Variants in SLC17A6 observed in about 807,000 individuals in gnomAD.
SLC17A6 encodes vesicular glutamate transporter 2.
A neutral mutation model predicts 67.1 loss-of-function variants in SLC17A6; 35 were observed. The observed-to-expected ratio is 0.52, with a 90% CI of 0.40 to 0.69. The LOEUF (loss-of-function observed/expected upper bound fraction) is 0.69, where lower values mean the gene tolerates loss of function less well. SLC17A6 is among the 30% of genes least tolerant of loss of function. The pLI is 0.00. For synonymous variants in SLC17A6, 285 were observed against 252.3 expected, an observed-to-expected ratio of 1.13 and a Z score of -1.23; for missense variants, 588 against 723.9, an observed-to-expected ratio of 0.81 and a Z score of 2.15.
intron 3 of SLC17A6, among the ~76,000 whole-genome samples, chr11:22,348,007 G>A (rs1245964236): frequency 1.3e-5 from 2 of 152,118 alleles, no homozygotes; most frequent in Non-Finnish European, 2.9e-5. Flanking sequence ...GTAGCATATA[G>A]TGAACCCCAC....
intron 5 of SLC17A6, 135 bp downstream of exon 5, chr11:22,361,119 G>T: frequency 1.7e-6 from 1 of 587,732 alleles, no homozygotes; most frequent in Non-Finnish European, 3.0e-6. Context: ...TAAGGTTTTT[G>T]ACCACCATTT....
intron 3 of SLC17A6, among the ~76,000 whole-genome samples, chr11:22,348,149 A>C (rs535577925): frequency 6.6e-6 from 1 of 152,330 alleles, no homozygotes; most frequent in South Asian, 2.1e-4. Flanking sequence ...ACTAGAACTC[A>C]CTTGTCTGAT....
chr11:22,355,593 T>C (rs1855985855), intron 3 of SLC17A6, among the ~76,000 whole-genome samples: 1 of 152,136 alleles, frequency 6.6e-6, no homozygotes, highest in African/African-American at 2.4e-5. Flanking sequence ...CTCCAAGATG[T>C]CACAGACTGA....
rs969065512 is a variant in SLC17A6 at position 22,341,675 on chromosome 11, C to G, written c.234C>G (p.Gly78=). The change falls in exon 2 of 12, where the codon GGC becomes GGG. Residue 78 remains glycine (G), a synonymous_variant. Transcript: ENST00000263160. ...PRRYIIAIMS[G]LGFCISFGIR... ...GCTACATTATCGCCATCATGAGCGG[C>G]CTGGGCTTCTGCATCTCCTTCGGTA... 1 of 1,614,224 alleles carries G rather than the reference C, an allele frequency of 6.2e-7. No individual in the cohort carries two copies.
At chr11:22,374,664 G>A (rs1856212663) in intron 8 of SLC17A6, 91 bp from the exon 9 acceptor site, 1 of 1,062,348 alleles carries the variant, frequency 9.4e-7, no homozygotes, top group Non-Finnish European at 1.3e-6. Flanking sequence ...TGTCCATAAA[G>A]ATGTGATGAC....
rs775409754 is a variant in SLC17A6 at position 22,360,920 on chromosome 11, T to C, written c.597T>C (p.His199=). 3 of 1,613,940 alleles carry C rather than the reference T, an allele frequency of 1.9e-6. No individual in the cohort carries two copies. Among genetic ancestry groups the C allele is most frequent in the East Asian group, 4.5e-5 (2 of 44,870 alleles). Residue 199 remains histidine (H), a synonymous_variant, in exon 5 of 12, where the codon CAT becomes CAC. Transcript: ENST00000263160. ...LVEGVTYPAC[H]GIWSKWAPPL... ...AGGGTGTGACCTACCCAGCATGTCA[T>C]GGGATATGGAGCAAATGGGCCCCAC... is the stretch of plus-strand genomic sequence containing the variant.
At chr11:22,354,894 A>G (rs1855980455) in intron 3 of SLC17A6, among the ~76,000 whole-genome samples, 1 of 152,220 alleles carries the variant, frequency 6.6e-6, no homozygotes, top group East Asian at 1.9e-4. Context: ...ATAACAATTG[A>G]CAACTACTGT....
Position 22,377,400 on chromosome 11 carries a change from T to G in SLC17A6, c.1414-5T>G, listed in dbSNP as rs370942605. On this transcript the variant is annotated splice_polypyrimidine_tract_variant and splice_region_variant and intron_variant, in intron 11 of 11. Coordinates refer to ENST00000263160, the MANE Select transcript of SLC17A6 (RefSeq NM_020346.3). Reference sequence around the variant, plus strand: ...TTCTCACAGTGCTGCTTTTTCTCACTGCAGTCACGTGAAGAGTGGCAGTAT... The same window carrying G: ...TTCTCACAGTGCTGCTTTTTCTCACGGCAGTCACGTGAAGAGTGGCAGTAT... The G allele has an allele frequency of 6.3e-7, 1 of 1,597,256 alleles. No homozygotes were observed. Among genetic ancestry groups the G allele is most frequent in the Non-Finnish European group, 8.6e-7 (1 of 1,169,194 alleles).
chr11:22,347,433 G>C (rs76162074), intron 3 of SLC17A6, among the ~76,000 whole-genome samples: 5,762 of 151,968 alleles, frequency 0.038, 357 homozygotes, highest in East Asian at 0.29. Flanking sequence ...TATATGTAAA[G>C]TTTTCTGAAG....
At chr11:22,355,351 C>A (rs2665694) in intron 3 of SLC17A6, among the ~76,000 whole-genome samples, 12,011 of 152,088 alleles carry the variant, frequency 0.079, 1,588 homozygotes, top group African/African-American at 0.27. Flanking sequence ...TGGGGTCCTA[C>A]AAAAATTACT....
chr11:22,376,282 A>G (rs1481863883), intron 10 of SLC17A6, among the ~76,000 whole-genome samples, 190 bp downstream of exon 10: 1 of 152,146 alleles, frequency 6.6e-6, no homozygotes, highest in Non-Finnish European at 1.5e-5. Flanking sequence ...TTAATACTCA[A>G]TTTCCTCCTG....
At chr11:22,375,028 T>G in intron 9 of SLC17A6, 141 bp downstream of exon 9, 1 of 849,462 alleles carries the variant, frequency 1.2e-6, no homozygotes, top group Non-Finnish European at 1.7e-6. Context: ...AATAACTTCC[T>G]CATATTACAT....
rs1002670596 is a variant in SLC17A6, at chr11:22,379,482, CTATT to C, written c.*1746_*1749del. On this transcript the variant is annotated 3_prime_UTR_variant, in exon 12 of 12. Transcript: ENST00000263160. The stretch of plus-strand genomic sequence containing the variant: ...AGCAAAAAAGTGTTAATAAAATGCT[CTATT>C]TATCCTTTTTTTAAAAAGCAGTGCA... 5.6e-5 allele frequency: 8 copies of C among 143,350 alleles called. No individual in the cohort carries two copies. The highest frequency in any genetic ancestry group is 2.1e-4 in the East Asian group (1 of 4,856). The allele number at this position is 143,350 out of a possible 1,614,324, so 8.9% of individuals were successfully genotyped here.
intron 8 of SLC17A6, 57 bp downstream of exon 8, chr11:22,370,245 C>G: frequency 1.4e-6 from 2 of 1,449,484 alleles, no homozygotes; most frequent in South Asian, 2.7e-5. Flanking sequence ...TAAGTGAATA[C>G]TAAATTCATT....
chr11:22,367,905 G>T (rs1856130715), intron 7 of SLC17A6, among the ~76,000 whole-genome samples: 1 of 152,148 alleles, frequency 6.6e-6, no homozygotes, highest in African/African-American at 2.4e-5. Flanking sequence ...ATGAGATTAT[G>T]TGGGAATAGA....
At chr11:22,353,474 C>T (rs1373608446) in intron 3 of SLC17A6, among the ~76,000 whole-genome samples, 1 of 152,154 alleles carries the variant, frequency 6.6e-6, no homozygotes, top group Non-Finnish European at 1.5e-5. Context: ...TGACAACTTG[C>T]TCAAAGTCTT....
At chr11:22,347,201 G>C (rs1340037450) in intron 3 of SLC17A6, among the ~76,000 whole-genome samples, 1 of 150,318 alleles carries the variant, frequency 6.7e-6, no homozygotes, top group East Asian at 2.0e-4. Context: ...ATAAATACTC[G>C]TTAAATAAAT....
At chr11:22,352,133 A>G (rs182910356) in intron 3 of SLC17A6, among the ~76,000 whole-genome samples, 40 of 145,848 alleles carry the variant, frequency 2.7e-4, no homozygotes, top group African/African-American at 9.3e-4. Flanking sequence ...CTTCAGAGAC[A>G]GTGGTTTCAG....
In SLC17A6 at chr11:22,340,547, G is replaced by A. The variant is rs1453121886; in HGVS notation, c.87-981G>A. ...TAAGTGAGATCTTCCCCTTTGATGT[G>A]GAATATCTTACAAAAGTTGATTTGG... On this transcript the variant is annotated intron_variant, in intron 1 of 11. Coordinates refer to ENST00000263160, the MANE Select transcript of SLC17A6 (RefSeq NM_020346.3). Among the ~76,000 whole-genome samples the A allele has an allele frequency of 5.3e-5, 8 of 152,232 alleles. No individual in the cohort carries two copies. The East Asian group carries it at 1.5e-3, about 29-fold the overall frequency.
Sources: gnomAD v4.1 joint callset for allele counts (sites outside exome capture counted in the v4.1 genomes callset) on GRCh38, gnomAD v4.1.1 for gene constraint, MANE v1.5 for transcripts, NCBI Gene and HGNC (gene_info 2026-07-23, HGNC 2026-07-21) for gene names.